BAHCC1: variants seen among roughly 807,000 people sequenced by gnomAD.
BAHCC1 encodes BAH domain and coiled-coil containing 1.
Under a neutral mutation model 88.2 loss-of-function variants are expected in BAHCC1, and 43 were observed. That is an observed-to-expected ratio of 0.49 (90% CI 0.38 to 0.63). The LOEUF (loss-of-function observed/expected upper bound fraction) is 0.63, where lower values mean the gene tolerates loss of function less well. BAHCC1 is among the 20% of genes least tolerant of loss of function. BAHCC1 has a pLI of 0.00. For synonymous variants in BAHCC1, 1,510 were observed against 745.5 expected, an observed-to-expected ratio of 2.03 and a Z score of -16.71; for missense variants, 3,023 against 1,654.8, an observed-to-expected ratio of 1.83 and a Z score of -14.34.
intron 2 of BAHCC1, among the ~76,000 whole-genome samples, chr17:81,406,470 A>G (rs566576844): frequency 6.6e-6 from 1 of 152,134 alleles, no homozygotes; most frequent in Non-Finnish European, 1.5e-5. Flanking sequence ...CAGTGTAACA[A>G]GCAAAAAAAA....
At chr17:81,462,418 G>A (rs1335811595) in intron 26 of BAHCC1, 8 of 492,982 alleles carry the variant, frequency 1.6e-5, no homozygotes, top group Admixed American at 3.8e-5. Context: ...GCTCGGGGGC[G>A]CATGTGGGGC....
At position 81,461,276 on chromosome 17, in the gene BAHCC1, G is replaced by C. The variant is rs782611022; in HGVS notation, c.6613G>C (p.Glu2205Gln). Reference sequence around the variant, plus strand: ...GGGTGGGCGGCGGCGGGCGGGCGGTGAGTTCCTGGTCAAGCTGGACCACGA... The same window carrying C: ...GGGTGGGCGGCGGCGGGCGGGCGGTCAGTTCCTGGTCAAGCTGGACCACGA... The part of the protein sequence containing the change: ...EKGGRRRAGG[E>Q]FLVKLDHEGV... The change falls in exon 26 of 28, where the codon GAG becomes CAG. Residue 2205 changes from glutamate (E) to glutamine (Q), a missense_variant. Physicochemically the swap from Glu to Gln is conservative, Grantham distance 29. Coordinates refer to ENST00000675386, the MANE Select transcript of BAHCC1 (RefSeq NM_001377448.1). 3 of 704,682 alleles carry C rather than the reference G, an allele frequency of 4.3e-6. No homozygotes were observed. The African/African-American group carries it at 5.2e-5, about 12-fold the overall frequency. 43.7% of individuals were successfully genotyped at this position (704,682 alleles called of 1,614,324 possible).
intron 1 of BAHCC1, among the ~76,000 whole-genome samples, chr17:81,397,380 A>G (rs1161108225): frequency 2.1e-5 from 3 of 141,606 alleles, no homozygotes; most frequent in Non-Finnish European, 4.6e-5. Flanking sequence ...CAACTTTGAA[A>G]TTTCTTATTG....
chr17:81,398,593 T>G (rs1729894160), intron 1 of BAHCC1, among the ~76,000 whole-genome samples: 1 of 117,266 alleles, frequency 8.5e-6, no homozygotes, highest in Non-Finnish European at 1.8e-5. Context: ...GAGAGCATTC[T>G]GACTCTGAAA....
intron 17 of BAHCC1, 113 bp from the exon 18 acceptor site, chr17:81,458,052 C>A (rs1164658648): frequency 4.9e-6 from 2 of 406,496 alleles, no homozygotes. Flanking sequence ...CTGGGTAACC[C>A]GGGGGCGGGC....
At chr17:81,415,624 G>T (rs782709955) in intron 2 of BAHCC1, 1 of 495,522 alleles carries the variant, frequency 2.0e-6, no homozygotes, top group Non-Finnish European at 4.0e-6. Flanking sequence ...TTTGGGAGTC[G>T]GGCTCTTGGC....
In BAHCC1 at chr17:81,399,927, C is replaced by A. The variant is rs1408545029; in HGVS notation, c.178+10C>A. 39 of 1,362,002 alleles carry A rather than the reference C, an allele frequency of 2.9e-5. No individual in the cohort carries two copies. Among genetic ancestry groups the A allele is most frequent in the Non-Finnish European group, 3.1e-5 (33 of 1,054,928 alleles). The allele number at this position is 1,362,002 out of a possible 1,614,324, so 84.4% of individuals were successfully genotyped here. On this transcript the variant is annotated intron_variant, in intron 2 of 27. Coordinates refer to ENST00000675386, the MANE Select transcript of BAHCC1 (RefSeq NM_001377448.1). This position sits in a 1 kb window ranked among gnomAD's most constrained non-coding sequence, Gnocchi z 4.5. Reference sequence around the variant, plus strand: ...ATGGCTTCGCACACAGGTCAGTGCTCGGCCGGGGCGGGCGCGGGACGGGAG... The same window carrying A: ...ATGGCTTCGCACACAGGTCAGTGCTAGGCCGGGGCGGGCGCGGGACGGGAG...
chr17:81,464,691 A>C lies in BAHCC1; in HGVS notation c.*874A>C, dbSNP rs2030579125. ...AATATTTTAAAGTATTGATAAGAAAAAGCAATGTTTGGATTGTATCTGCTG... is the reference window on the plus strand; with the variant it reads ...AATATTTTAAAGTATTGATAAGAAACAGCAATGTTTGGATTGTATCTGCTG... On this transcript the variant is annotated 3_prime_UTR_variant, in exon 28 of 28. Transcript: ENST00000675386. 6.6e-6 allele frequency: 1 copy of C among 152,486 alleles called. No homozygotes were observed. The allele number at this position is 152,486 out of a possible 1,614,324, so 9.4% of individuals were successfully genotyped here. A position where few individuals can be genotyped will look rare whatever the true frequency, so the allele number is the denominator to read the frequency against.
At chr17:81,409,784 C>T (rs1414806461) in intron 2 of BAHCC1, among the ~76,000 whole-genome samples, 2 of 152,210 alleles carry the variant, frequency 1.3e-5, no homozygotes, top group Non-Finnish European at 2.9e-5. Context: ...CCTGCAAGCA[C>T]CTCCCCAGCA....
intron 2 of BAHCC1, among the ~76,000 whole-genome samples, chr17:81,416,009 T>TGTGTAC: frequency 6.8e-6 from 1 of 147,000 alleles, no homozygotes; most frequent in East Asian, 2.0e-4. Flanking sequence ...TGTATGCGCG[T>TGTGTAC]GTGTGTGTGT....
chr17:81,444,484 G>A lies in BAHCC1; in HGVS notation c.2428G>A (p.Asp810Asn), dbSNP rs1194214289. ...LMMQSGQLGG[D>N]PAPHTHPHPP... ...GATGCAGAGCGGCCAGCTGGGCGGG[G>A]ACCCAGCCCCCCACACCCACCCCCA... Residue 810 changes from aspartate (D) to asparagine (N), a missense_variant, in exon 7 of 28, where the codon GAC (aspartate) becomes AAC (asparagine). Coordinates refer to ENST00000675386, the MANE Select transcript of BAHCC1 (RefSeq NM_001377448.1). 2 of 711,314 alleles carry A rather than the reference G, an allele frequency of 2.8e-6. No homozygotes were observed. Among genetic ancestry groups the A allele is most frequent in the African/African-American group, 1.7e-5 (1 of 57,288 alleles). 44.1% of individuals were successfully genotyped at this position (711,314 alleles called of 1,614,324 possible).
In BAHCC1 at chr17:81,399,148, TGTGTGC is replaced by T. The variant is rs2143149864; in HGVS notation, c.-206-384_-206-379del. 5.3e-6 allele frequency: 2 copies of T among 374,018 alleles called. No individual in the cohort carries two copies. The highest frequency in any genetic ancestry group is 1.8e-5 in the South Asian group (1 of 56,774). 23.2% of individuals were successfully genotyped at this position (374,018 alleles called of 1,614,324 possible). ...GTGTGAGTGTGTGTGTGTGTGTGTG[TGTGTGC>T]GAGTGTGCGTGATGGCTTCGCAGAT... is the stretch of plus-strand genomic sequence containing the variant. On this transcript the variant is annotated intron_variant, in intron 1 of 27. Coordinates refer to ENST00000675386, the MANE Select transcript of BAHCC1 (RefSeq NM_001377448.1). This position sits in a 1 kb window ranked among gnomAD's most constrained non-coding sequence, Gnocchi z 4.5.
rs1288953913 is a variant in BAHCC1, at chr17:81,435,992, G to A, written c.359-2378G>A. Among the ~76,000 whole-genome samples, 4 of 152,170 alleles carry A rather than the reference G, an allele frequency of 2.6e-5. No individual in the cohort carries two copies. Among genetic ancestry groups the A allele is most frequent in the African/African-American group, 4.8e-5 (2 of 41,428 alleles). The stretch of plus-strand genomic sequence containing the variant: ...GGGAAAAAGAAAGGGGCTTTCTGTC[G>A]CTGGGCTGGGAGGACCTTTTCCCTT... On this transcript the variant is annotated intron_variant, in intron 3 of 27. Coordinates refer to ENST00000675386, the MANE Select transcript of BAHCC1 (RefSeq NM_001377448.1). The surrounding 1 kb of genome is among the most constrained non-coding windows in gnomAD (Gnocchi z 4.4).
chr17:81,447,479 C>G lies in BAHCC1; in HGVS notation c.3607C>G (p.Leu1203Val), dbSNP rs1555654855. 5.4e-6 allele frequency: 4 copies of G among 742,908 alleles called. No individual in the cohort carries two copies. The highest frequency in any genetic ancestry group is 2.3e-4 in the Middle Eastern group (1 of 4,386). The allele number at this position is 742,908 out of a possible 1,614,324, so 46.0% of individuals were successfully genotyped here. A position where few individuals can be genotyped will look rare whatever the true frequency, so the allele number is the denominator to read the frequency against. ...CTCGTCAGGGGCCTCCTCCCAAGTCCTGGAGCAGCGAGCAGGGAGTCCGGG... is the reference window on the plus strand; with the variant it reads ...CTCGTCAGGGGCCTCCTCCCAAGTCGTGGAGCAGCGAGCAGGGAGTCCGGG... Reference protein sequence around the residue: ...GPSSGASSQVLEQRAGSPGAL... With the variant: ...GPSSGASSQVVEQRAGSPGAL... The change falls in exon 11 of 28, where the codon CTG (leucine) becomes GTG (valine). Residue 1203 changes from leucine to valine, a missense_variant. By Grantham distance (32) the Leu-to-Val change is conservative (BLOSUM62 1). Transcript: ENST00000675386.
chr17:81,398,609 C>G (rs915434077), intron 1 of BAHCC1, among the ~76,000 whole-genome samples: 4 of 149,660 alleles, frequency 2.7e-5, no homozygotes, highest in African/African-American at 5.1e-5. Flanking sequence ...TGAAAGCACC[C>G]CCCCCACACA....
Position 81,457,445 on chromosome 17 carries a change from C to T in BAHCC1, c.4894C>T (p.Leu1632=), listed in dbSNP as rs1555657581. 7.8e-6 allele frequency: 6 copies of T among 772,616 alleles called. No homozygotes were observed. Among genetic ancestry groups the T allele is most frequent in the Admixed American group, 5.2e-5 (3 of 58,012 alleles). 47.9% of individuals were successfully genotyped at this position (772,616 alleles called of 1,614,324 possible). The change falls in exon 17 of 28, where the codon CTG becomes TTG. Residue 1632 remains leucine, a synonymous_variant. Coordinates refer to ENST00000675386, the MANE Select transcript of BAHCC1 (RefSeq NM_001377448.1). ...GYDSEDCEGL[L]GTEAPPREAG... ...TGACAGTGAGGACTGCGAGGGTCTC[C>T]TGGGGACAGAGGCACCACCCAGGGA...
chr17:81,412,411 A>G (rs1278427758), intron 2 of BAHCC1, among the ~76,000 whole-genome samples: 1 of 152,284 alleles, frequency 6.6e-6, no homozygotes, highest in Non-Finnish European at 1.5e-5. Flanking sequence ...AGAAAATTCA[A>G]AAAGTGTATG....
chr17:81,441,805 A>G (rs369477787), intron 4 of BAHCC1, 26 bp from the exon 5 acceptor site: 21 of 581,706 alleles, frequency 3.6e-5, no homozygotes, highest in Admixed American at 8.0e-5. Flanking sequence ...AAGGCCTCCC[A>G]TTGACCTTGG....
At position 81,399,173 on chromosome 17, in the gene BAHCC1, C is replaced by T; in HGVS notation, c.-206-361C>T. On this transcript the variant is annotated intron_variant, in intron 1 of 27. Coordinates refer to ENST00000675386, the MANE Select transcript of BAHCC1 (RefSeq NM_001377448.1). The surrounding 1 kb of genome is among the most constrained non-coding windows in gnomAD (Gnocchi z 4.5). ...TGTGTGCGAGTGTGCGTGATGGCTT[C>T]GCAGATTTGGGTTTTTATCACCCAG... 2 of 410,630 alleles carry T rather than the reference C, an allele frequency of 4.9e-6. No homozygotes were observed. The highest frequency in any genetic ancestry group is 9.8e-6 in the Non-Finnish European group (2 of 204,624). 25.4% of individuals were successfully genotyped at this position (410,630 alleles called of 1,614,324 possible). A position where few individuals can be genotyped will look rare whatever the true frequency, so the allele number is the denominator to read the frequency against.
Sources: gnomAD v4.1 joint callset for allele counts (sites outside exome capture counted in the v4.1 genomes callset) on GRCh38, gnomAD v4.1.1 for gene constraint, Gnocchi (gnomAD v3.1) non-coding constraint, MANE v1.5 for transcripts, NCBI Gene and HGNC (gene_info 2026-07-23, HGNC 2026-07-21) for gene names.